Variants in CDH4 observed in about 807,000 individuals in gnomAD.
The protein encoded by CDH4 is cadherin 4, also known as cadherin-4.
A neutral mutation model predicts 86.0 loss-of-function variants in CDH4; 33 were observed. That is an observed-to-expected ratio of 0.38 (90% CI 0.29 to 0.51). The LOEUF is 0.51. CDH4 is among the 20% of genes least tolerant of loss of function. CDH4 has a pLI of 0.86. For missense variants in CDH4, 1,114 were observed against 1,307.4 expected (o/e 0.85, Z 2.28); for synonymous variants, 555 against 549.4 (o/e 1.01, Z -0.14).
Position 61,686,572 on chromosome 20 carries a change from CGTGTGTGCATTCAT to C in CDH4, c.170-56980_170-56967del, listed in dbSNP as rs1021756123. Among the ~76,000 whole-genome samples, 9 of 145,396 alleles carry C rather than the reference CGTGTGTGCATTCAT, an allele frequency of 6.2e-5. No homozygotes were observed. The South Asian group carries it at 1.7e-3, about 28-fold the overall frequency. ...TCGCGTGTATGTGCATGTGCATTCG[CGTGTGTGCATTCAT>C]GTGTGTGCATGAGCACGTGTGTGCA... On this transcript the variant is annotated intron_variant, in intron 2 of 15. Transcript: ENST00000614565.
At chr20:61,343,414 C>A (rs940859445) in intron 2 of CDH4, among the ~76,000 whole-genome samples, 1 of 152,204 alleles carries the variant, frequency 6.6e-6, no homozygotes, top group Non-Finnish European at 1.5e-5. Context: ...AACTAGAATT[C>A]TTGAATAGTT....
intron 2 of CDH4, among the ~76,000 whole-genome samples, chr20:61,569,441 T>A (rs1232770761): frequency 6.6e-6 from 1 of 152,240 alleles, no homozygotes; most frequent in African/African-American, 2.4e-5. Context: ...ATGTCTGCTC[T>A]AGTCTCTCTG....
chr20:61,323,608 G>T (rs530058583), intron 2 of CDH4, among the ~76,000 whole-genome samples: 49 of 152,242 alleles, frequency 3.2e-4, no homozygotes, highest in African/African-American at 9.9e-4. Flanking sequence ...GCTCCCTGAC[G>T]GTGATAATTT....
At chr20:61,784,811 G>C (rs1394934827) in intron 4 of CDH4, among the ~76,000 whole-genome samples, 1 of 151,406 alleles carries the variant, frequency 6.6e-6, no homozygotes, top group Non-Finnish European at 1.5e-5. Flanking sequence ...TGTGCCCCCG[G>C]GGCCTCATCA....
intron 3 of CDH4, among the ~76,000 whole-genome samples, chr20:61,745,783 G>A (rs1292728648): frequency 6.6e-6 from 1 of 152,168 alleles, no homozygotes. Context: ...CTTCCAAGCT[G>A]TCCCCAAGTC....
chr20:61,793,934 A>C (rs1461708044), intron 4 of CDH4, among the ~76,000 whole-genome samples: 2 of 150,394 alleles, frequency 1.3e-5, no homozygotes, highest in Admixed American at 1.3e-4. Flanking sequence ...GTCAGGAGAT[A>C]GAGAGCATCC....
At chr20:61,255,118 C>A (rs924528502) in intron 2 of CDH4, among the ~76,000 whole-genome samples, 181 bp downstream of exon 2, 8 of 152,298 alleles carry the variant, frequency 5.3e-5, no homozygotes, top group Admixed American at 5.2e-4. Context: ...GTGAATGATT[C>A]AGAACCCCGG....
At chr20:61,331,323 CTG>C (rs975417293) in intron 2 of CDH4, among the ~76,000 whole-genome samples, 56 of 152,046 alleles carry the variant, frequency 3.7e-4, no homozygotes, top group African/African-American at 1.3e-3. Context: ...CAGGAGGAGA[CTG>C]TGAAAAGCAT....
At chr20:61,610,408 A>C (rs2086675980) in intron 2 of CDH4, among the ~76,000 whole-genome samples, 1 of 152,228 alleles carries the variant, frequency 6.6e-6, no homozygotes, top group Admixed American at 6.5e-5. Context: ...ATTGATGGAC[A>C]CCAAAGTTGA....
intron 4 of CDH4, among the ~76,000 whole-genome samples, chr20:61,844,230 T>C (rs1419287383): frequency 6.6e-6 from 1 of 152,234 alleles, no homozygotes; most frequent in African/African-American, 2.4e-5. Flanking sequence ...ATAACCATCA[T>C]TCAATTGTTT....
At chr20:61,746,320 GTC>G (rs1338950856) in intron 3 of CDH4, among the ~76,000 whole-genome samples, 4 of 152,202 alleles carry the variant, frequency 2.6e-5, no homozygotes, top group African/African-American at 9.7e-5. Context: ...ACAGTGGGCA[GTC>G]TCTGCAGCCC....
intron 2 of CDH4, among the ~76,000 whole-genome samples, chr20:61,383,165 A>C (rs533393762): frequency 1.1e-5 from 1 of 87,338 alleles, no homozygotes; most frequent in East Asian, 2.6e-4. Flanking sequence ...TATATTATAT[A>C]TATGAATATA....
intron 4 of CDH4, among the ~76,000 whole-genome samples, chr20:61,779,855 G>T (rs907596928): frequency 1.3e-5 from 2 of 152,256 alleles, no homozygotes; most frequent in African/African-American, 2.4e-5. Context: ...AAGTTGATTG[G>T]ATGTGTGAGC....
intron 2 of CDH4, among the ~76,000 whole-genome samples, chr20:61,343,801 T>C (rs532710109): frequency 6.6e-6 from 1 of 152,242 alleles, no homozygotes; most frequent in South Asian, 2.1e-4. Context: ...GATTTTAGGC[T>C]CGAAGCCCCA....
intron 2 of CDH4, among the ~76,000 whole-genome samples, chr20:61,487,752 A>G (rs2085604335): frequency 6.6e-6 from 1 of 152,176 alleles, no homozygotes; most frequent in Admixed American, 6.5e-5. Flanking sequence ...AAAGCCCAAC[A>G]TCTGGGTCTC....
intron 2 of CDH4, among the ~76,000 whole-genome samples, chr20:61,429,200 C>G (rs556152002): frequency 6.6e-6 from 1 of 152,256 alleles, no homozygotes; most frequent in South Asian, 2.1e-4. Context: ...ATCTTTATAA[C>G]CAACCCTTGA....
At chr20:61,858,346 T>C (rs1983152464) in intron 6 of CDH4, among the ~76,000 whole-genome samples, 1 of 151,568 alleles carries the variant, frequency 6.6e-6, no homozygotes, top group Admixed American at 6.6e-5. Flanking sequence ...TGTATCTGCG[T>C]ATGTGTCTCT....
rs1455623046 is a variant in CDH4 at position 61,544,203 on chromosome 20, C to A, written c.170-199360C>A. Among the ~76,000 whole-genome samples, 3 of 152,148 alleles carry A rather than the reference C, an allele frequency of 2.0e-5. No individual in the cohort carries two copies. Among genetic ancestry groups the A allele is most frequent in the East Asian group, 3.9e-4 (2 of 5,164 alleles). On this transcript the variant is annotated intron_variant, in intron 2 of 15. Coordinates refer to ENST00000614565, the MANE Select transcript of CDH4 (RefSeq NM_001794.5). The surrounding 1 kb of genome is among the most constrained non-coding windows in gnomAD (Gnocchi z 6.5). Reference sequence around the variant, plus strand: ...TTTCAGAGATGATGCTGCCCCGTCTCCCCAGGGGACCTCGGCAATGCCAGA... The same window carrying A: ...TTTCAGAGATGATGCTGCCCCGTCTACCCAGGGGACCTCGGCAATGCCAGA...
chr20:61,369,920 G>A (rs563861780), intron 2 of CDH4: 102 of 152,572 alleles, frequency 6.7e-4, no homozygotes, highest in African/African-American at 2.4e-3. Context: ...GAGTCCTGGG[G>A]ACACAAAGGC....
Sources: allele counts gnomAD v4.1 joint callset (sites outside exome capture counted in the v4.1 genomes callset), GRCh38; gene constraint gnomAD v4.1.1; non-coding constraint Gnocchi (gnomAD v3.1); transcripts MANE v1.5; gene names NCBI Gene and HGNC (gene_info 2026-07-23, HGNC 2026-07-21).